CAMK4: variants seen among roughly 807,000 people sequenced by gnomAD.
CAMK4 encodes the protein calcium/calmodulin dependent protein kinase IV, also known as calcium/calmodulin-dependent protein kinase type IV.
A neutral mutation model predicts 44.9 loss-of-function variants in CAMK4; 22 were observed. The ratio of observed to expected loss-of-function variants is 0.49; its 90% CI spans 0.35 to 0.70. The LOEUF (loss-of-function observed/expected upper bound fraction) is 0.70, where lower values mean the gene tolerates loss of function less well. Ranked by LOEUF, CAMK4 falls within the 30% of genes least tolerant of loss-of-function variation. CAMK4 has a pLI of 0.01. For synonymous variants in CAMK4, 218 were observed against 215.4 expected, an observed-to-expected ratio of 1.01 and a Z score of -0.11; for missense variants, 498 against 586.8, an observed-to-expected ratio of 0.85 and a Z score of 1.56.
At chr5:111,427,327 C>T (rs184651090) in intron 5 of CAMK4, among the ~76,000 whole-genome samples, 1 of 152,280 alleles carries the variant, frequency 6.6e-6, no homozygotes, top group Admixed American at 6.5e-5. Flanking sequence ...GGGAAGGGCC[C>T]TTGATCCCCG....
intron 5 of CAMK4, among the ~76,000 whole-genome samples, chr5:111,415,054 T>C (rs546269205): frequency 8.5e-5 from 13 of 152,190 alleles, no homozygotes; most frequent in Non-Finnish European, 1.9e-4. Flanking sequence ...CTGCCAGATA[T>C]AAAAATGTTG....
intron 5 of CAMK4, among the ~76,000 whole-genome samples, chr5:111,425,703 A>G (rs1489578685): frequency 6.6e-6 from 1 of 152,246 alleles, no homozygotes; most frequent in Non-Finnish European, 1.5e-5. Context: ...TTATTAACTT[A>G]TTAGCTTTGC....
intron 7 of CAMK4, among the ~76,000 whole-genome samples, chr5:111,459,178 A>G (rs1429601522): frequency 6.6e-6 from 1 of 152,224 alleles, no homozygotes; most frequent in Non-Finnish European, 1.5e-5. Flanking sequence ...TGCTTCAGCA[A>G]CACCATCATT....
chr5:111,345,160 T>C (rs1749814924), intron 2 of CAMK4, among the ~76,000 whole-genome samples: 1 of 151,908 alleles, frequency 6.6e-6, no homozygotes, highest in African/African-American at 2.4e-5. Flanking sequence ...AGCATAATAC[T>C]ACAAGGTTTT....
At chr5:111,431,824 C>A (rs1753454558) in intron 5 of CAMK4, among the ~76,000 whole-genome samples, 1 of 152,106 alleles carries the variant, frequency 6.6e-6, no homozygotes, top group African/African-American at 2.4e-5. Flanking sequence ...TCATCTCACC[C>A]AGTTAAAGTG....
chr5:111,230,029 C>T (rs1320505390), intron 1 of CAMK4, among the ~76,000 whole-genome samples: 2 of 152,096 alleles, frequency 1.3e-5, no homozygotes, highest in Admixed American at 1.3e-4. Flanking sequence ...ATGAAATGGG[C>T]CGGGTGCAGC....
chr5:111,454,430 C>T (rs538743126), intron 7 of CAMK4, among the ~76,000 whole-genome samples: 1 of 152,084 alleles, frequency 6.6e-6, no homozygotes, highest in South Asian at 2.1e-4. Context: ...ATAAGTGAAT[C>T]GCAAAAGAAA....
intron 9 of CAMK4, among the ~76,000 whole-genome samples, chr5:111,478,791 T>A (rs1375965720): frequency 6.6e-6 from 1 of 152,250 alleles, no homozygotes. Context: ...TGAAGAAAGC[T>A]GTGCTGGGTG....
At chr5:111,257,926 C>T (rs1561366932) in intron 1 of CAMK4, among the ~76,000 whole-genome samples, 3 of 152,164 alleles carry the variant, frequency 2.0e-5, no homozygotes, top group East Asian at 1.9e-4. Flanking sequence ...CGTTCTCACT[C>T]ATGTGGGAGC....
intron 9 of CAMK4, among the ~76,000 whole-genome samples, chr5:111,481,734 A>G (rs1176317141): frequency 6.6e-6 from 1 of 152,216 alleles, no homozygotes; most frequent in Non-Finnish European, 1.5e-5. Context: ...TACAGGCTCC[A>G]TCAATTCCAA....
At chr5:111,262,180 CAAA>C (rs200729378) in intron 1 of CAMK4, among the ~76,000 whole-genome samples, 12 of 78,082 alleles carry the variant, frequency 1.5e-4, no homozygotes, top group East Asian at 3.0e-4. Context: ...GCTAAACGGG[CAAA>C]AAAAAAAAAA....
At chr5:111,239,820 A>C (rs984515923) in intron 1 of CAMK4, among the ~76,000 whole-genome samples, 1 of 152,212 alleles carries the variant, frequency 6.6e-6, no homozygotes, top group African/African-American at 2.4e-5. Context: ...AAAATGTCAT[A>C]AGATTCTAAA....
chr5:111,308,250 T>TAAAA (rs1009074489), intron 1 of CAMK4, among the ~76,000 whole-genome samples: 1 of 141,432 alleles, frequency 7.1e-6, no homozygotes, highest in African/African-American at 2.7e-5. Context: ...TAGAGTATAA[T>TAAAA]AAAAAAATAA....
intron 9 of CAMK4, among the ~76,000 whole-genome samples, chr5:111,481,277 A>G (rs1755425148): frequency 6.6e-6 from 1 of 152,168 alleles, no homozygotes; most frequent in Non-Finnish European, 1.5e-5. Context: ...AAAATGTTGT[A>G]AGGATTAGGG....
chr5:111,296,842 T>G (rs1341117885), intron 1 of CAMK4, among the ~76,000 whole-genome samples: 4 of 152,206 alleles, frequency 2.6e-5, no homozygotes, highest in African/African-American at 9.6e-5. Flanking sequence ...TCTGGATCTG[T>G]GCATAATACC....
intron 2 of CAMK4, among the ~76,000 whole-genome samples, chr5:111,346,399 T>G (rs1329831107): frequency 6.6e-6 from 1 of 151,920 alleles, no homozygotes. Flanking sequence ...AACTAACAAC[T>G]TTGGGACTAC....
intron 5 of CAMK4, among the ~76,000 whole-genome samples, chr5:111,424,607 GC>G (rs1438825187): frequency 5.3e-5 from 8 of 151,508 alleles, no homozygotes; most frequent in African/African-American, 1.9e-4. Context: ...ACCACGCCCG[GC>G]TAATTTTTAA....
intron 1 of CAMK4, among the ~76,000 whole-genome samples, chr5:111,332,359 T>C (rs1041007144): frequency 6.6e-6 from 1 of 151,168 alleles, no homozygotes; most frequent in African/African-American, 2.4e-5. Flanking sequence ...GATAGATTAC[T>C]GAGAATGATG....
intron 5 of CAMK4, among the ~76,000 whole-genome samples, chr5:111,398,952 C>T (rs1011257298): frequency 1.3e-5 from 2 of 152,176 alleles, no homozygotes; most frequent in African/African-American, 2.4e-5. Context: ...TTTCAGTCTG[C>T]ATAATCTCTC....
Sources: allele counts gnomAD v4.1 joint callset (sites outside exome capture counted in the v4.1 genomes callset), GRCh38; gene constraint gnomAD v4.1.1; transcripts MANE v1.5; gene names NCBI Gene and HGNC (gene_info 2026-07-23, HGNC 2026-07-21).